The following ENTREP1 variants were observed in gnomAD, a reference collection of about 807,000 sequenced individuals.
The protein encoded by ENTREP1 is endosomal transmembrane epsin interactor 1.
At chr9:69,384,881 G>A in the ENTREP1 span, among the ~76,000 whole-genome samples, 1 of 151,980 alleles carries the variant, frequency 6.6e-6, no homozygotes, top group Non-Finnish European at 1.5e-5. Flanking sequence ...TGTCTCCTAA[G>A]TATGTTCATA....
At chr9:69,327,505 A>G in the ENTREP1 span, among the ~76,000 whole-genome samples, 3 of 152,200 alleles carry the variant, frequency 2.0e-5, no homozygotes, top group Admixed American at 1.3e-4. Flanking sequence ...GATTCTTAAA[A>G]ACTATTTTTT....
chr9:69,340,810 T>TGTGTGC, the ENTREP1 span, among the ~76,000 whole-genome samples: 1 of 55,320 alleles, frequency 1.8e-5, no homozygotes, highest in African/African-American at 6.3e-5. Context: ...CATGTGTGTG[T>TGTGTGC]GTATGTGTGT....
At chr9:69,375,782 A>C in the ENTREP1 span, 11 of 1,613,984 alleles carry the variant, frequency 6.8e-6, no homozygotes, top group Non-Finnish European at 8.5e-6. Context: ...GAAGAATTTC[A>C]ACCAGCCAAG....
the ENTREP1 span, among the ~76,000 whole-genome samples, chr9:69,367,840 TATATATATAA>T: frequency 1.8e-4 from 15 of 82,276 alleles, no homozygotes; most frequent in Admixed American, 2.9e-4. Context: ...TATATACACA[TATATATATAA>T]ATATATACAC....
chr9:69,375,705 A>C, the ENTREP1 span: 5 of 1,569,786 alleles, frequency 3.2e-6, no homozygotes, highest in Non-Finnish European at 4.4e-6. Context: ...TTAATAATTA[A>C]AGTATTTTTT....
At chr9:69,362,411 G>C in the ENTREP1 span, among the ~76,000 whole-genome samples, 1 of 152,294 alleles carries the variant, frequency 6.6e-6, no homozygotes, top group South Asian at 2.1e-4. Flanking sequence ...GACCTGGAAT[G>C]AACTGGGGGT....
the ENTREP1 span, among the ~76,000 whole-genome samples, chr9:69,365,684 A>C: frequency 1.3e-5 from 2 of 151,584 alleles, no homozygotes; most frequent in Non-Finnish European, 2.9e-5. Context: ...CACACCCCAC[A>C]TGCACCCATC....
At chr9:69,325,592 C>A in the ENTREP1 span, 2 of 1,227,490 alleles carry the variant, frequency 1.6e-6, no homozygotes, top group Non-Finnish European at 2.0e-6. Context: ...GCTGCCCGCC[C>A]GCCCGCTGCT....
the ENTREP1 span, among the ~76,000 whole-genome samples, chr9:69,369,683 TTCCTCA>T: frequency 6.6e-6 from 1 of 152,054 alleles, no homozygotes; most frequent in Non-Finnish European, 1.5e-5. Context: ...AGTCCAAGTG[TTCCTCA>T]TCCTCACCAG....
the ENTREP1 span, chr9:69,385,713 T>A: frequency 7.0e-7 from 1 of 1,436,330 alleles, no homozygotes; most frequent in South Asian, 1.6e-5. Flanking sequence ...CCCAGGTGTT[T>A]CCTGCCCATT....
the ENTREP1 span, among the ~76,000 whole-genome samples, chr9:69,344,167 T>TG: frequency 6.6e-6 from 1 of 152,210 alleles, no homozygotes; most frequent in Non-Finnish European, 1.5e-5. Flanking sequence ...ATTAATGATT[T>TG]GGGGCAAGAG....
chr9:69,333,077 AT>A, the ENTREP1 span, among the ~76,000 whole-genome samples: 4 of 152,280 alleles, frequency 2.6e-5, no homozygotes, highest in South Asian at 8.3e-4. Context: ...ATCTTTTATG[AT>A]TTTTTTACAA....
At chr9:69,329,374 T>A in the ENTREP1 span, 3 of 969,246 alleles carry the variant, frequency 3.1e-6, no homozygotes, top group African/African-American at 3.5e-5. Flanking sequence ...CAAGGATATT[T>A]TTTCATATGT....
the ENTREP1 span, chr9:69,380,031 T>G: frequency 6.6e-6 from 1 of 152,216 alleles, no homozygotes; most frequent in Non-Finnish European, 1.5e-5. Context: ...GACAAGCTTC[T>G]CATCAAGGGC....
the ENTREP1 span, among the ~76,000 whole-genome samples, chr9:69,340,722 C>CATGTGTGTGTGT: frequency 4.4e-5 from 1 of 22,954 alleles, no homozygotes; most frequent in African/African-American, 1.8e-4. Context: ...TGTGTGCATG[C>CATGTGTGTGTGT]ATGTGTGTGT....
the ENTREP1 span, chr9:69,383,916 C>A: frequency 6.2e-7 from 1 of 1,601,642 alleles, no homozygotes; most frequent in Non-Finnish European, 8.6e-7. Flanking sequence ...TAAACATCAA[C>A]AAAATAACCC....
At chr9:69,335,856 C>T in the ENTREP1 span, among the ~76,000 whole-genome samples, 7 of 152,264 alleles carry the variant, frequency 4.6e-5, no homozygotes, top group Admixed American at 1.3e-4. Flanking sequence ...TCCTGACGTG[C>T]GCCTGTAGTC....
At chr9:69,336,993 C>T in the ENTREP1 span, among the ~76,000 whole-genome samples, 49 of 137,030 alleles carry the variant, frequency 3.6e-4, no homozygotes, top group East Asian at 4.5e-3. Flanking sequence ...CCACCAAGCC[C>T]GGCTGTTATT....
the ENTREP1 span, among the ~76,000 whole-genome samples, chr9:69,362,240 T>G: frequency 6.6e-6 from 1 of 152,050 alleles, no homozygotes; most frequent in South Asian, 2.1e-4. Context: ...AAATCTTGTA[T>G]CAAACAATAC....
Sources: gnomAD v4.1 joint callset for allele counts (sites outside exome capture counted in the v4.1 genomes callset) on GRCh38, gnomAD v4.1.1 for gene constraint, MANE v1.5 for transcripts, NCBI Gene and HGNC (gene_info 2026-07-23, HGNC 2026-07-21) for gene names.